The following SEMA3D variants were observed in gnomAD, a reference collection of about 807,000 sequenced individuals.
SEMA3D encodes semaphorin-3D.
Under a neutral mutation model 100.1 loss-of-function variants are expected in SEMA3D, and 84 were observed. The ratio of observed to expected loss-of-function variants is 0.84; its 90% CI spans 0.70 to 1.01. The LOEUF (loss-of-function observed/expected upper bound fraction) is 1.01, where lower values mean the gene tolerates loss of function less well. SEMA3D is among the 50% of genes least tolerant of loss of function. SEMA3D has a pLI of 0.00. For missense variants in SEMA3D, 875 were observed against 934.1 expected (o/e 0.94, Z 0.82); for synonymous variants, 312 against 320.7 (o/e 0.97, Z 0.29).
rs990684393 is a variant in SEMA3D at position 85,066,987 on chromosome 7, C to G, written c.589+1204G>C. Among the ~76,000 whole-genome samples the G allele has an allele frequency of 1.1e-4, 16 of 150,824 alleles. No individual in the cohort carries two copies. In the South Asian group the frequency reaches 3.3e-3, roughly 32 times the overall value. ...AGTAGACATAGATAAGGTACTGCTT[C>G]CATCCTCTTAGAGTATTTCCCTACA... On this transcript the variant is annotated intron_variant, in intron 7 of 18. Coordinates refer to ENST00000284136, the MANE Select transcript of SEMA3D (RefSeq NM_001384900.1).
intron 1 of SEMA3D, among the ~76,000 whole-genome samples, chr7:85,159,167 T>C (rs1419824969): frequency 6.6e-6 from 1 of 152,152 alleles, no homozygotes; most frequent in African/African-American, 2.4e-5. Flanking sequence ...AGCTAAAAAT[T>C]TGTAACCTAG....
intron 5 of SEMA3D, among the ~76,000 whole-genome samples, chr7:85,076,740 T>C (rs960384329): frequency 6.6e-6 from 1 of 152,214 alleles, no homozygotes; most frequent in Non-Finnish European, 1.5e-5. Flanking sequence ...AGCTACATGT[T>C]AGGCTTGTCT....
intron 12 of SEMA3D, among the ~76,000 whole-genome samples, chr7:85,025,422 C>T (rs1790365793): frequency 6.6e-6 from 1 of 151,990 alleles, no homozygotes; most frequent in Admixed American, 6.6e-5. Context: ...CCATAGCTGG[C>T]TAGGTGTGAT....
the SEMA3D span, among the ~76,000 whole-genome samples, chr7:85,245,239 T>A: frequency 2.0e-5 from 3 of 152,168 alleles, no homozygotes; most frequent in East Asian, 5.8e-4. Flanking sequence ...AAAAAGAAGA[T>A]CATTGGACAA....
intron 3 of SEMA3D, among the ~76,000 whole-genome samples, chr7:85,107,793 C>T (rs1788974792): frequency 6.6e-6 from 1 of 151,954 alleles, no homozygotes; most frequent in African/African-American, 2.4e-5. Flanking sequence ...AATTTAAAGC[C>T]TTATAGATTT....
At chr7:85,237,424 T>A in the SEMA3D span, among the ~76,000 whole-genome samples, 2 of 152,158 alleles carry the variant, frequency 1.3e-5, no homozygotes, top group South Asian at 4.1e-4. Context: ...CCTTACAAAT[T>A]TTCTGTGATC....
Position 85,068,273 on chromosome 7 carries a change from G to A in SEMA3D, c.507C>T (p.Phe169=). Residue 169 remains phenylalanine (F), a synonymous_variant, in exon 7 of 19, where the codon TTC becomes TTT. Coordinates refer to ENST00000284136, the MANE Select transcript of SEMA3D (RefSeq NM_001384900.1). The part of the protein sequence containing the change: ...DLGVYKEDII[F]KLDTHNLESG... ...ACTCCAAATTATGTGTGTCTAGTTT[G>A]AATATAATATCCTGTTATGAGAAAT... 6.4e-7 allele frequency: 1 copy of A among 1,566,356 alleles called. No homozygotes were observed. The highest frequency in any genetic ancestry group is 8.8e-7 in the Non-Finnish European group (1 of 1,136,900).
chr7:85,007,457 T>C (rs1435340144), intron 17 of SEMA3D, among the ~76,000 whole-genome samples: 1 of 151,794 alleles, frequency 6.6e-6, no homozygotes, highest in African/African-American at 2.4e-5. Context: ...ATGATGATGA[T>C]GATGAGCCAG....
intron 4 of SEMA3D, among the ~76,000 whole-genome samples, chr7:85,083,435 T>A (rs1456025562): frequency 1.3e-5 from 2 of 152,224 alleles, no homozygotes; most frequent in Non-Finnish European, 2.9e-5. Context: ...GATGGAACAC[T>A]GCAGCTGGCC....
rs73713936 is a variant in SEMA3D at position 85,050,939 on chromosome 7, G to A, written c.861+4778C>T. Among the ~76,000 whole-genome samples, 336 of 152,018 alleles carry A rather than the reference G, an allele frequency of 2.2e-3. 1 individual carries two copies. Among genetic ancestry groups the A allele is most frequent in the African/African-American group, 7.5e-3 (312 of 41,502 alleles). On this transcript the variant is annotated intron_variant, in intron 9 of 18. Transcript: ENST00000284136. ...ATCTGGCTCCAAATGTATGTGTGAT[G>A]TGTGTGTATGTGTGCACATGCATGT...
chr7:85,240,602 T>G, the SEMA3D span, among the ~76,000 whole-genome samples: 1 of 152,164 alleles, frequency 6.6e-6, no homozygotes, highest in Non-Finnish European at 1.5e-5. Flanking sequence ...TAGAATTCAC[T>G]AGTGAACATA....
chr7:85,127,762 A>G (rs1051552073), intron 2 of SEMA3D, among the ~76,000 whole-genome samples: 8 of 152,194 alleles, frequency 5.3e-5, no homozygotes, highest in Non-Finnish European at 1.2e-4. Context: ...CAGAGAAAGT[A>G]CTAACATCAT....
In SEMA3D at chr7:85,037,035, T is replaced by C; in HGVS notation, c.1047-2A>G. Reference sequence around the variant, plus strand: ...ACAGCAGAGCCTTTGAAGATGGAGCTGGAAAAAAAAAGCATCATCATTCAA... The same window carrying C: ...ACAGCAGAGCCTTTGAAGATGGAGCCGGAAAAAAAAAGCATCATCATTCAA... On this transcript the variant is annotated splice_acceptor_variant, in intron 11 of 18. Transcript: ENST00000284136. LOFTEE classifies it high-confidence loss of function. 2 of 1,601,344 alleles carry C rather than the reference T, an allele frequency of 1.2e-6. No homozygotes were observed. The highest frequency in any genetic ancestry group is 1.7e-6 in the Non-Finnish European group (2 of 1,176,214).
At chr7:85,149,154 G>A (rs1361141704) in intron 2 of SEMA3D, among the ~76,000 whole-genome samples, 1 of 151,946 alleles carries the variant, frequency 6.6e-6, no homozygotes, top group Non-Finnish European at 1.5e-5. Context: ...AAATACAAAA[G>A]TAACACTTGG....
upstream of SEMA3D, among the ~76,000 whole-genome samples, chr7:85,191,373 A>G (rs976650221): frequency 7.1e-6 from 1 of 140,006 alleles, no homozygotes; most frequent in African/African-American, 2.7e-5. Flanking sequence ...AAAATAAACA[A>G]CTTTCCTATG....
chr7:85,035,029 G>T (rs1459452760), intron 12 of SEMA3D, among the ~76,000 whole-genome samples: 3 of 151,922 alleles, frequency 2.0e-5, no homozygotes, highest in Non-Finnish European at 2.9e-5. Context: ...ATCACTCTTA[G>T]ATTCATTGCA....
At chr7:85,202,382 A>G in the SEMA3D span, among the ~76,000 whole-genome samples, 1 of 151,968 alleles carries the variant, frequency 6.6e-6, no homozygotes, top group Non-Finnish European at 1.5e-5. Context: ...TACAAAGGAA[A>G]TGAACTCATC....
At chr7:85,141,151 T>C in intron 2 of SEMA3D, 1 of 984,830 alleles carries the variant, frequency 1.0e-6, no homozygotes. Context: ...TGACGTCTAA[T>C]TCTAAGCACA....
At chr7:85,076,790 T>G (rs1400604886) in intron 5 of SEMA3D, among the ~76,000 whole-genome samples, 1 of 152,182 alleles carries the variant, frequency 6.6e-6, no homozygotes, top group African/African-American at 2.4e-5. Flanking sequence ...GAGATCAGTT[T>G]AGGTCTTAAA....
Sources: gnomAD v4.1 joint callset for allele counts (sites outside exome capture counted in the v4.1 genomes callset) on GRCh38, gnomAD v4.1.1 for gene constraint, MANE v1.5 for transcripts, NCBI Gene and HGNC (gene_info 2026-07-23, HGNC 2026-07-21) for gene names.